SCAPER: variants seen among roughly 807,000 people sequenced by gnomAD.
SCAPER encodes S-phase cyclin A associated protein in the ER.
A neutral mutation model predicts 182.2 loss-of-function variants in SCAPER; 98 were observed. The observed-to-expected ratio is 0.54, with a 90% CI of 0.46 to 0.64. The LOEUF (loss-of-function observed/expected upper bound fraction) is 0.64, where lower values mean the gene tolerates loss of function less well. SCAPER is among the 30% of genes least tolerant of loss of function. The probability of loss-of-function intolerance (pLI) is 0.00; values close to 1 mark genes in which losing one functional copy is unlikely to be tolerated. For synonymous variants in SCAPER, 605 were observed against 564.6 expected (o/e 1.07, Z -1.01); for missense variants, 1,432 against 1,690.0 (o/e 0.85, Z 2.68).
Position 76,553,874 on chromosome 15 carries a change from G to A in SCAPER, c.2838+20284C>T, listed in dbSNP as rs149311932. ...GATTAAAGGAACATCAGCCCACACA[G>A]ATGAGAAAGAACTAGTGCAAGAATT... On this transcript the variant is annotated intron_variant, in intron 23 of 31. Transcript: ENST00000563290. Among the ~76,000 whole-genome samples, 337 of 152,300 alleles carry A rather than the reference G, an allele frequency of 2.2e-3. 1 individual carries two copies. Among genetic ancestry groups the A allele is most frequent in the African/African-American group, 7.8e-3 (323 of 41,568 alleles).
chr15:76,698,371 C>T (rs1384776194), intron 20 of SCAPER, among the ~76,000 whole-genome samples: 2 of 152,084 alleles, frequency 1.3e-5, no homozygotes, highest in Non-Finnish European at 2.9e-5. Flanking sequence ...CATGAATATG[C>T]AAGGCTCAAA....
intron 5 of SCAPER, among the ~76,000 whole-genome samples, chr15:76,838,794 A>G (rs1239313443): frequency 6.6e-6 from 1 of 152,214 alleles, no homozygotes; most frequent in Non-Finnish European, 1.5e-5. Context: ...CACCAAAATC[A>G]GTCCACACAA....
chr15:76,614,110 G>A (rs1597695285), intron 22 of SCAPER, among the ~76,000 whole-genome samples: 1 of 152,126 alleles, frequency 6.6e-6, no homozygotes, highest in Non-Finnish European at 1.5e-5. Context: ...CATGAATGGT[G>A]CTGCGGGCCA....
intron 21 of SCAPER, among the ~76,000 whole-genome samples, chr15:76,652,363 C>CATATAT (rs2055196502): frequency 6.5e-5 from 2 of 30,946 alleles, no homozygotes; most frequent in African/African-American, 3.3e-4. Context: ...CACACACACA[C>CATATAT]ACACACACAT....
At chr15:76,561,111 A>T (rs547299980) in intron 23 of SCAPER, among the ~76,000 whole-genome samples, 12 of 152,208 alleles carry the variant, frequency 7.9e-5, no homozygotes, top group Admixed American at 2.0e-4. Context: ...TGAGGCAATC[A>T]ATCACTAAGG....
chr15:76,821,493 G>A (rs904378344), intron 5 of SCAPER, among the ~76,000 whole-genome samples: 8 of 152,116 alleles, frequency 5.3e-5, no homozygotes, highest in South Asian at 2.1e-4. Context: ...ATAGTGGTGC[G>A]TGCCTGTAGT....
chr15:76,455,434 A>T (rs1294945637), intron 25 of SCAPER, among the ~76,000 whole-genome samples: 4 of 152,140 alleles, frequency 2.6e-5, no homozygotes, highest in African/African-American at 4.8e-5. Flanking sequence ...CTAATTGTAT[A>T]ATACTTCTAT....
At chr15:76,402,718 A>G (rs1041326902) in intron 27 of SCAPER, among the ~76,000 whole-genome samples, 7 of 152,088 alleles carry the variant, frequency 4.6e-5, no homozygotes, top group African/African-American at 1.7e-4. Context: ...TAAAGAGAAG[A>G]TCCTGTTTCC....
chr15:76,834,061 C>T (rs2068733725), intron 5 of SCAPER, among the ~76,000 whole-genome samples: 1 of 152,040 alleles, frequency 6.6e-6, no homozygotes, highest in Non-Finnish European at 1.5e-5. Context: ...AAATTCTTCT[C>T]ATCTACACAC....
chr15:76,832,571 T>C (rs1276611947), intron 5 of SCAPER, among the ~76,000 whole-genome samples: 2 of 152,228 alleles, frequency 1.3e-5, no homozygotes. Context: ...ATTATACGGT[T>C]GGATCGGTGT....
chr15:76,772,618 A>G (rs1052974995), intron 9 of SCAPER, among the ~76,000 whole-genome samples: 2 of 151,936 alleles, frequency 1.3e-5, no homozygotes, highest in African/African-American at 2.4e-5. Context: ...TTAGATTTAG[A>G]TATCTTCCCT....
chr15:76,396,604 G>T (rs2044076937), intron 27 of SCAPER, among the ~76,000 whole-genome samples: 1 of 151,576 alleles, frequency 6.6e-6, no homozygotes, highest in Non-Finnish European at 1.5e-5. Flanking sequence ...TACTTTTTTT[G>T]ATTTCAAGAT....
chr15:76,591,696 T>C (rs2049123303), intron 22 of SCAPER, among the ~76,000 whole-genome samples: 1 of 152,122 alleles, frequency 6.6e-6, no homozygotes, highest in South Asian at 2.1e-4. Flanking sequence ...AGTAAAAAAG[T>C]ACACAAAATA....
intron 2 of SCAPER, among the ~76,000 whole-genome samples, chr15:76,883,024 T>C (rs1056582337): frequency 3.9e-5 from 6 of 152,192 alleles, no homozygotes; most frequent in African/African-American, 1.4e-4. Flanking sequence ...TTCAGAAGGT[T>C]GTACCTATCA....
intron 25 of SCAPER, among the ~76,000 whole-genome samples, chr15:76,446,904 CCT>C (rs1215053634): frequency 1.2e-4 from 18 of 152,268 alleles, no homozygotes; most frequent in East Asian, 1.9e-4. Context: ...ACATCCATTC[CCT>C]GTTTCACTTT....
intron 28 of SCAPER, chr15:76,379,795 G>A (rs2042821631): frequency 6.6e-6 from 1 of 151,662 alleles, no homozygotes; most frequent in Non-Finnish European, 1.5e-5. Flanking sequence ...CAGGTCTGGT[G>A]AAGTTCAGTG....
At chr15:76,580,897 C>T (rs1027372595) in intron 22 of SCAPER, among the ~76,000 whole-genome samples, 1 of 151,860 alleles carries the variant, frequency 6.6e-6, no homozygotes, top group Non-Finnish European at 1.5e-5. Context: ...TAAACAAAAT[C>T]AACAAACCTT....
chr15:76,860,024 C>G (rs553397115), intron 3 of SCAPER, among the ~76,000 whole-genome samples: 2 of 152,272 alleles, frequency 1.3e-5, no homozygotes, highest in African/African-American at 4.8e-5. Context: ...CCTGTGCTTA[C>G]AGTTTTATTG....
At chr15:76,770,385 G>C (rs1212726727) in intron 10 of SCAPER, among the ~76,000 whole-genome samples, 1 of 151,710 alleles carries the variant, frequency 6.6e-6, no homozygotes, top group African/African-American at 2.4e-5. Flanking sequence ...AGAAAAAACA[G>C]TTGTCTCATC....
Sources: gnomAD v4.1 joint callset for allele counts (sites outside exome capture counted in the v4.1 genomes callset) on GRCh38, gnomAD v4.1.1 for gene constraint, MANE v1.5 for transcripts, NCBI Gene and HGNC (gene_info 2026-07-23, HGNC 2026-07-21) for gene names.